Variants in NDRG4 observed in about 807,000 individuals in gnomAD.
NDRG4 encodes protein NDRG4.
NDRG4 carries 38 observed loss-of-function variants against 55.8 expected under a neutral mutation model. That is an observed-to-expected ratio of 0.68 (90% CI 0.53 to 0.89). NDRG4 has a LOEUF of 0.89. NDRG4 is among the 40% of genes least tolerant of loss of function. The pLI is 0.00. For synonymous variants in NDRG4, 190 were observed against 182.7 expected, an observed-to-expected ratio of 1.04 and a Z score of -0.32; for missense variants, 455 against 468.6, an observed-to-expected ratio of 0.97 and a Z score of 0.27.
intron 1 of NDRG4, among the ~76,000 whole-genome samples, chr16:58,479,106 G>T (rs920253786): frequency 6.6e-6 from 1 of 152,084 alleles, no homozygotes; most frequent in Non-Finnish European, 1.5e-5. Context: ...TCGGCTCACT[G>T]CAATCTTCGC....
intron 5 of NDRG4, among the ~76,000 whole-genome samples, chr16:58,505,790 C>T (rs966522018): frequency 7.1e-5 from 9 of 126,464 alleles, no homozygotes; most frequent in Non-Finnish European, 1.1e-4. Context: ...GGCATGATCT[C>T]GGCCCACTGC....
intron 1 of NDRG4, chr16:58,501,781 G>A (rs2037152371): frequency 2.9e-6 from 1 of 342,544 alleles, no homozygotes; most frequent in Non-Finnish European, 5.9e-6. Context: ...GGACAGGGGC[G>A]GCCACACCAG....
chr16:58,505,713 CTTTTTT>C (rs1028370131), intron 5 of NDRG4, among the ~76,000 whole-genome samples: 8 of 58,636 alleles, frequency 1.4e-4, no homozygotes, highest in African/African-American at 2.3e-4. Flanking sequence ...GCTTCATTTT[CTTTTTT>C]TTTTTTTTTT....
At chr16:58,473,636 C>G (rs2033179090) in intron 1 of NDRG4, among the ~76,000 whole-genome samples, 1 of 152,198 alleles carries the variant, frequency 6.6e-6, no homozygotes, top group South Asian at 2.1e-4. Context: ...CTCTTCCTCT[C>G]CTGCCCATGT....
intron 1 of NDRG4, among the ~76,000 whole-genome samples, chr16:58,473,134 C>G (rs1428502960): frequency 6.6e-6 from 1 of 152,092 alleles, no homozygotes; most frequent in Non-Finnish European, 1.5e-5. Flanking sequence ...TCTGTTCCTT[C>G]TCCTCCTTCC....
chr16:58,474,468 C>G (rs1028441648), intron 1 of NDRG4, among the ~76,000 whole-genome samples: 10 of 152,196 alleles, frequency 6.6e-5, no homozygotes, highest in African/African-American at 2.4e-4. Flanking sequence ...GCTCCTGGAT[C>G]TCCTTCAAGT....
intron 1 of NDRG4, among the ~76,000 whole-genome samples, chr16:58,503,232 C>A (rs1054372355): frequency 5.3e-5 from 8 of 152,128 alleles, no homozygotes; most frequent in African/African-American, 1.7e-4. Flanking sequence ...CTGAAGGGAG[C>A]CCTTGAGGAT....
intron 8 of NDRG4, chr16:58,507,339 G>T: frequency 2.4e-6 from 1 of 425,336 alleles, no homozygotes; most frequent in Non-Finnish European, 4.3e-6. Context: ...ATGAGGAAGA[G>T]GTCGGATGAG....
Position 58,465,147 on chromosome 16 carries a change from G to A in NDRG4, c.-24+1350G>A, listed in dbSNP as rs1025434533. On this transcript the variant is annotated intron_variant, in intron 1 of 15. Coordinates refer to the NDRG4 transcript ENST00000258187. ...GTTCTCCCCGGTGTGGAGAGACCCA[G>A]ACAGGAGGAAAGGAAAGCAACCCGG... 1.3e-5 allele frequency: 16 copies of A among 1,278,362 alleles called. No homozygotes were observed. The African/African-American group carries it at 2.1e-4, about 17-fold the overall frequency. The allele number at this position is 1,278,362 out of a possible 1,614,324, so 79.2% of individuals were successfully genotyped here.
At chr16:58,503,362 T>C (rs753818115) in intron 1 of NDRG4, among the ~76,000 whole-genome samples, 14 of 152,176 alleles carry the variant, frequency 9.2e-5, no homozygotes, top group Non-Finnish European at 1.8e-4. Context: ...GGGTGTTTTC[T>C]GAGGATTCCA....
intron 2 of NDRG4, among the ~76,000 whole-genome samples, chr16:58,492,551 T>TGTGTGTGA (rs1342930103): frequency 1.4e-4 from 6 of 43,994 alleles, no homozygotes; most frequent in East Asian, 9.9e-4. Flanking sequence ...TGTGTGTGTG[T>TGTGTGTGA]GAGAGACAGA....
chr16:58,498,629 C>T (rs2036676594), upstream of NDRG4, among the ~76,000 whole-genome samples: 1 of 152,282 alleles, frequency 6.6e-6, no homozygotes. Flanking sequence ...GGCCCTTGTT[C>T]CTGGAGGCAA....
At chr16:58,469,577 CA>C (rs966277539) in intron 1 of NDRG4, among the ~76,000 whole-genome samples, 4 of 151,000 alleles carry the variant, frequency 2.6e-5, no homozygotes, top group African/African-American at 9.7e-5. Context: ...AGCAAAAAAG[CA>C]AAAAAAACCC....
chr16:58,464,332 TG>T lies in NDRG4; in HGVS notation c.-24+536del. Reference sequence around the variant, plus strand: ...CCTGCCGCTTCGCTCCGCGCTCTCCTGCCGCTCCGCTCCGGGTCTCCCGCGC... The same window carrying T: ...CCTGCCGCTTCGCTCCGCGCTCTCCTCCGCTCCGCTCCGGGTCTCCCGCGC... On this transcript the variant is annotated intron_variant, in intron 1 of 15. Transcript: ENST00000258187. This position sits in a 1 kb window ranked among gnomAD's most constrained non-coding sequence, Gnocchi z 4.8. 1 of 1,124,920 alleles carries T rather than the reference TG, an allele frequency of 8.9e-7. No homozygotes were observed. The highest frequency in any genetic ancestry group is 1.2e-6 in the Non-Finnish European group (1 of 860,956). The allele number at this position is 1,124,920 out of a possible 1,614,324, so 69.7% of individuals were successfully genotyped here.
At chr16:58,504,859 T>C (rs1259060712) in intron 5 of NDRG4, 12 of 589,580 alleles carry the variant, frequency 2.0e-5, no homozygotes, top group Non-Finnish European at 3.0e-5. Context: ...TTTCTCCATA[T>C]AGTTTTCTCA....
At chr16:58,491,354 CT>C (rs766981330) in intron 2 of NDRG4, among the ~76,000 whole-genome samples, 6 of 152,300 alleles carry the variant, frequency 3.9e-5, no homozygotes, top group Middle Eastern at 3.4e-3. Context: ...GTCCTACCCC[CT>C]CTCTCTGTCT....
chr16:58,468,305 C>T (rs1057399020), intron 1 of NDRG4, among the ~76,000 whole-genome samples: 1 of 152,234 alleles, frequency 6.6e-6, no homozygotes, highest in Non-Finnish European at 1.5e-5. Context: ...ACAAGGAAGG[C>T]GGGGGTTTTG....
intron 2 of NDRG4, among the ~76,000 whole-genome samples, chr16:58,493,952 GC>G (rs2036089901): frequency 1.3e-5 from 2 of 152,268 alleles, no homozygotes; most frequent in South Asian, 4.1e-4. Flanking sequence ...GTGTCTGTGG[GC>G]CCCTCGGCCT....
rs1481530584 is a variant in NDRG4, at chr16:58,511,436, A to G, written c.919A>G (p.Met307Val). Reference sequence around the variant, plus strand: ...TCTGTCCACAGTGCCCTCAGCCAGCATGACCCGCCTGGCACGCTCCCGCAC... The same window carrying G: ...TCTGTCCACAGTGCCCTCAGCCAGCGTGACCCGCCTGGCACGCTCCCGCAC... ...LSGGAVPSAS[M>V]TRLARSRTAS... is the part of the protein sequence containing the mutation. Residue 307 changes from methionine (M) to valine (V), a missense_variant, in exon 15 of 15, where the codon ATG becomes GTG. Transcript: ENST00000570248. The G allele has an allele frequency of 1.2e-6, 2 of 1,607,334 alleles. No individual in the cohort carries two copies. The highest frequency in any genetic ancestry group is 1.7e-6 in the Non-Finnish European group (2 of 1,176,142).
Sources: allele counts gnomAD v4.1 joint callset (sites outside exome capture counted in the v4.1 genomes callset), GRCh38; gene constraint gnomAD v4.1.1; non-coding constraint Gnocchi (gnomAD v3.1); transcripts MANE v1.5; gene names NCBI Gene and HGNC (gene_info 2026-07-23, HGNC 2026-07-21).